NHS: variants seen among roughly 807,000 people sequenced by gnomAD.
The protein encoded by NHS is NHS actin remodeling regulator, also known as actin remodeling regulator NHS.
A neutral mutation model predicts 72.5 loss-of-function variants in NHS; 5 were observed. The ratio of observed to expected loss-of-function variants is 0.07; its 90% CI spans 0.04 to 0.14. The LOEUF (loss-of-function observed/expected upper bound fraction) is 0.14, where lower values mean the gene tolerates loss of function less well. NHS is among the 10% of genes least tolerant of loss of function. NHS has a pLI of 1.00. For synonymous variants in NHS, 464 were observed against 547.7 expected, an observed-to-expected ratio of 0.85 and a Z score of 2.13; for missense variants, 1,072 against 1,355.7, an observed-to-expected ratio of 0.79 and a Z score of 3.29.
At chrX:17,718,152 A>G (rs2066375666) in intron 3 of NHS, among the ~76,000 whole-genome samples, 1 of 110,359 alleles carries the variant, frequency 9.1e-6, no homozygotes, top group African/African-American at 3.3e-5. Flanking sequence ...GGAAAATTCT[A>G]TTATTTCTCT....
At chrX:17,382,423 C>A (rs1601681565) in intron 1 of NHS, among the ~76,000 whole-genome samples, 1 of 111,843 alleles carries the variant, frequency 8.9e-6, no homozygotes, top group African/African-American at 3.2e-5. Flanking sequence ...TTTATCAATC[C>A]TTTTCTTTAT....
In NHS at chrX:17,632,608, C is replaced by CA. The variant is rs36089128; in HGVS notation, c.566-55125dup. 1.1e-3 allele frequency among the ~76,000 whole-genome samples: 119 copies of CA among 106,052 alleles called. 1 individual carries two copies. Among genetic ancestry groups the CA allele is most frequent in the Admixed American group, 5.5e-3 (54 of 9,849 alleles). The allele number at this position is 106,052 out of a possible 115,157, so 92.1% of individuals were successfully genotyped here. ...CATCAGTGATTAAAAAAAACAAAAA[C>CA]AAAAAAAAACGAAGACCCCGGCTAG... is the stretch of plus-strand genomic sequence containing the variant. On this transcript the variant is annotated intron_variant, in intron 1 of 8. Coordinates refer to ENST00000676302, the MANE Select transcript of NHS (RefSeq NM_001291867.2).
At chrX:17,544,375 A>G (rs974516853) in intron 1 of NHS, among the ~76,000 whole-genome samples, 2 of 112,369 alleles carry the variant, frequency 1.8e-5, no homozygotes, top group African/African-American at 6.5e-5. Flanking sequence ...TTCAAGAAGG[A>G]AATGTATCAA....
At chrX:17,439,203 A>T (rs1291487676) in intron 1 of NHS, among the ~76,000 whole-genome samples, 2 of 111,046 alleles carry the variant, frequency 1.8e-5, no homozygotes, top group Non-Finnish European at 3.8e-5. Context: ...AGAGTGAAAA[A>T]TTTGTGTTCT....
chrX:17,501,109 G>A (rs2065034587), intron 1 of NHS, among the ~76,000 whole-genome samples: 2 of 110,963 alleles, frequency 1.8e-5, no homozygotes, highest in African/African-American at 6.6e-5. Context: ...GTGGCTCACA[G>A]CTGTAATCCT....
At chrX:17,479,405 T>A (rs1056009575) in intron 1 of NHS, among the ~76,000 whole-genome samples, 2 of 112,501 alleles carry the variant, frequency 1.8e-5, no homozygotes, top group African/African-American at 6.5e-5. Flanking sequence ...TTATAATCCT[T>A]TGGGCATATA....
Position 17,430,142 on chromosome X carries a change from GCCTT to G in NHS, c.565+53830_565+53833del, listed in dbSNP as rs1176416362. On this transcript the variant is annotated intron_variant, in intron 1 of 8. Coordinates refer to ENST00000676302, the MANE Select transcript of NHS (RefSeq NM_001291867.2). ...TTCCTCCATCCCTCCCTCCCTCCCTGCCTTCCTTCCTTCTTTCTCCTTCCTTCCC... is the reference window on the plus strand; with the variant it reads ...TTCCTCCATCCCTCCCTCCCTCCCTGCCTTCCTTCTTTCTCCTTCCTTCCC... Among the ~76,000 whole-genome samples the G allele has an allele frequency of 2.1e-4, 11 of 53,413 alleles. No homozygotes were observed. The South Asian group carries it at 9.4e-3, about 46-fold the overall frequency. 46.4% of individuals were successfully genotyped at this position (53,413 alleles called of 115,157 possible). A position where few individuals can be genotyped will look rare whatever the true frequency, so the allele number is the denominator to read the frequency against.
chrX:17,683,083 C>T (rs964478818), intron 1 of NHS, among the ~76,000 whole-genome samples: 1 of 112,177 alleles, frequency 8.9e-6, no homozygotes, highest in Non-Finnish European at 1.9e-5. Context: ...AAGATCTTGA[C>T]AATTCCATTA....
At chrX:17,588,053 G>A (rs915785315) in intron 1 of NHS, among the ~76,000 whole-genome samples, 40 of 112,138 alleles carry the variant, frequency 3.6e-4, no homozygotes, top group African/African-American at 1.1e-3. Context: ...TGGTTCTAGG[G>A]TTGTCTCTTC....
intron 1 of NHS, among the ~76,000 whole-genome samples, chrX:17,444,434 C>T (rs1160101734): frequency 8.9e-6 from 1 of 111,906 alleles, no homozygotes. Context: ...TATTCTCAAA[C>T]TTAGCTGCAC....
chrX:17,429,512 G>C (rs1345380682), intron 1 of NHS, among the ~76,000 whole-genome samples: 3 of 111,163 alleles, frequency 2.7e-5, no homozygotes, highest in Non-Finnish European at 3.8e-5. Context: ...AAACACACAT[G>C]CACGGAATCT....
chrX:17,687,565 A>G lies in NHS; in HGVS notation c.566-177A>G, dbSNP rs17312492. The G allele has an allele frequency of 0.023, 13,682 of 582,835 alleles. 157 individuals carry two copies. Among genetic ancestry groups the G allele is most frequent in the Middle Eastern group, 0.053 (121 of 2,284 alleles). The allele number at this position is 582,835 out of a possible 1,213,427, so 48.0% of individuals were successfully genotyped here. ...CGGCTCAGGGGCAAAAGTTGTCCCT[A>G]TCAGTATCATAAATGCCAAACCTTT... On this transcript the variant is annotated intron_variant, in intron 1 of 8. Transcript: ENST00000676302.
At chrX:17,554,351 ACACTGTGC>A (rs2065354724) in intron 1 of NHS, among the ~76,000 whole-genome samples, 1 of 112,074 alleles carries the variant, frequency 8.9e-6, no homozygotes, top group African/African-American at 3.3e-5. Flanking sequence ...TTTCCTCAGA[ACACTGTGC>A]AGAGACCTTT....
chrX:17,447,406 T>C (rs980207663), intron 1 of NHS, among the ~76,000 whole-genome samples: 4 of 110,473 alleles, frequency 3.6e-5, no homozygotes, highest in Admixed American at 2.9e-4. Flanking sequence ...ATTTTTTTTT[T>C]CCCCCCTCTT....
At chrX:17,676,058 T>G (rs1699909896) in intron 1 of NHS, among the ~76,000 whole-genome samples, 1 of 112,152 alleles carries the variant, frequency 8.9e-6, no homozygotes, top group African/African-American at 3.2e-5. Context: ...TATAATTGGA[T>G]GTCATGTGCT....
At chrX:17,585,801 A>G (rs1345486457) in intron 1 of NHS, 1 of 109,295 alleles carries the variant, frequency 9.1e-6, no homozygotes, top group Non-Finnish European at 1.9e-5. Flanking sequence ...ATCACATTCT[A>G]GATGAGCTGA....
chrX:17,560,888 C>T (rs772337470), intron 1 of NHS, among the ~76,000 whole-genome samples: 1 of 112,646 alleles, frequency 8.9e-6, no homozygotes, highest in Non-Finnish European at 1.9e-5. Context: ...CGGTCCCACC[C>T]AAAGGCCCTT....
intron 1 of NHS, among the ~76,000 whole-genome samples, chrX:17,612,575 C>G (rs2065716617): frequency 9.0e-6 from 1 of 111,627 alleles, no homozygotes; most frequent in Admixed American, 9.6e-5. Context: ...TACACATTAA[C>G]TCATTTAATT....
intron 1 of NHS, among the ~76,000 whole-genome samples, chrX:17,632,270 G>T (rs2065824744): frequency 9.0e-6 from 1 of 111,543 alleles, no homozygotes; most frequent in Non-Finnish European, 1.9e-5. Flanking sequence ...AGTTGGTGAA[G>T]TTCACACACT....
Sources: allele counts gnomAD v4.1 joint callset (sites outside exome capture counted in the v4.1 genomes callset), GRCh38; gene constraint gnomAD v4.1.1; transcripts MANE v1.5; gene names NCBI Gene and HGNC (gene_info 2026-07-23, HGNC 2026-07-21).